The following LY75 variants were observed in gnomAD, a reference collection of about 807,000 sequenced individuals.
LY75 encodes C-type lectin domain family 13 member B.
Under a neutral mutation model 231.7 loss-of-function variants are expected in LY75, and 185 were observed. That is an observed-to-expected ratio of 0.80 (90% CI 0.71 to 0.90). LY75 has a LOEUF of 0.90. Among genes scored for constraint, LY75 ranks in the 40% least tolerant of loss-of-function variants. LY75 has a pLI of 0.00. For synonymous variants in LY75, 668 were observed against 689.0 expected (o/e 0.97, Z 0.48); for missense variants, 1,947 against 2,050.2 (o/e 0.95, Z 0.97).
intron 27 of LY75, 121 bp from the exon 28 acceptor site, chr2:159,831,907 C>A: frequency 1.4e-6 from 1 of 722,376 alleles, no homozygotes. Flanking sequence ...CAATATTGGA[C>A]AATTAGAAAC....
At chr2:159,829,897 T>C (rs1428802122) in intron 28 of LY75, among the ~76,000 whole-genome samples, 1 of 152,246 alleles carries the variant, frequency 6.6e-6, no homozygotes, top group African/African-American at 2.4e-5. Context: ...CTTCTGATAA[T>C]ATAACTACAA....
chr2:159,817,015 A>G lies in LY75; in HGVS notation c.4171T>C (p.Tyr1391His), dbSNP rs2059696. 0.29 allele frequency: 463,302 copies of G among 1,610,354 alleles called. 71,795 individuals are homozygous for G. The highest frequency in any genetic ancestry group is 0.49 in the Admixed American group (29,025 of 59,646). ...KIEMVDYKEE[Y>H]NTTLPQFMPY... ...ATAAACTGTGGCAGTGTAGTATTAT[A>G]TTCTTCTTTGTAGTCAACTATAATA... The change falls in exon 30 of 35, where the codon TAT (tyrosine) becomes CAT (histidine). Residue 1391 changes from tyrosine (Y) to histidine (H), a missense_variant. Transcript: ENST00000263636.
At chr2:159,829,062 T>A (rs1188683768) in intron 28 of LY75, among the ~76,000 whole-genome samples, 1 of 152,076 alleles carries the variant, frequency 6.6e-6, no homozygotes, top group Non-Finnish European at 1.5e-5. Flanking sequence ...ATGATTGCAA[T>A]AAAGCTTTAA....
rs1461552312 is a variant in LY75, at chr2:159,879,257, A to C, written c.1515+2T>G. ...GAAAATTTACATAGGGATTTTACCT[A>C]CCTCATCTGGAGGACACATCTTATC... On this transcript the variant is annotated splice_donor_variant, in intron 9 of 34. Coordinates refer to ENST00000263636, the MANE Select transcript of LY75 (RefSeq NM_002349.4). LOFTEE classifies it high-confidence loss of function. 6.2e-7 allele frequency: 1 copy of C among 1,609,532 alleles called. No individual in the cohort carries two copies. Among genetic ancestry groups the C allele is most frequent in the Non-Finnish European group, 8.5e-7 (1 of 1,179,022 alleles).
chr2:159,885,877 A>T (rs1301522402), intron 5 of LY75, among the ~76,000 whole-genome samples: 2 of 152,142 alleles, frequency 1.3e-5, no homozygotes, highest in Non-Finnish European at 2.9e-5. Flanking sequence ...TTTATTTTTC[A>T]AAGTTGTCTA....
At chr2:159,849,833 T>C (rs1684327548) in intron 23 of LY75, 147 bp downstream of exon 23, 2 of 1,063,896 alleles carry the variant, frequency 1.9e-6, no homozygotes, top group Non-Finnish European at 2.6e-6. Flanking sequence ...TAGCAATCAC[T>C]AACCTACTTA....
chr2:159,879,114 G>T (rs1685360463), intron 9 of LY75, 145 bp downstream of exon 9: 2 of 883,318 alleles, frequency 2.3e-6, no homozygotes, highest in Non-Finnish European at 3.3e-6. Context: ...ATGACTCACT[G>T]CCTTCTGGCT....
At chr2:159,851,100 T>C (rs2125854550) in intron 21 of LY75, among the ~76,000 whole-genome samples, 2 of 152,032 alleles carry the variant, frequency 1.3e-5, no homozygotes, top group Admixed American at 1.3e-4. Flanking sequence ...GAAACACTGT[T>C]GAAAAATTCA....
intron 4 of LY75, among the ~76,000 whole-genome samples, chr2:159,887,740 C>G (rs903263831): frequency 6.6e-5 from 10 of 151,956 alleles, no homozygotes; most frequent in African/African-American, 2.2e-4. Flanking sequence ...AGATATACTT[C>G]TAAAATTAAT....
At chr2:159,895,104 T>C (rs1380648587) in intron 2 of LY75, among the ~76,000 whole-genome samples, 2 of 152,214 alleles carry the variant, frequency 1.3e-5, no homozygotes, top group Non-Finnish European at 2.9e-5. Flanking sequence ...AAAGTGTGCT[T>C]AAGACAGTAT....
chr2:159,888,503 T>C (rs1204617771), intron 4 of LY75, among the ~76,000 whole-genome samples: 2 of 152,244 alleles, frequency 1.3e-5, no homozygotes, highest in Admixed American at 6.5e-5. Context: ...TATCTAGTGA[T>C]AAAACATTTG....
At chr2:159,867,860 C>T (rs908688119) in intron 13 of LY75, among the ~76,000 whole-genome samples, 3 of 152,136 alleles carry the variant, frequency 2.0e-5, no homozygotes, top group African/African-American at 7.2e-5. Context: ...GATCTCAGAG[C>T]CTTAATGATT....
chr2:159,830,280 C>A (rs1683607643), intron 28 of LY75, among the ~76,000 whole-genome samples: 1 of 152,166 alleles, frequency 6.6e-6, no homozygotes, highest in Non-Finnish European at 1.5e-5. Flanking sequence ...AATTTAGCTT[C>A]TTTTCCTTCC....
intron 3 of LY75, among the ~76,000 whole-genome samples, chr2:159,892,081 C>T (rs1685776248): frequency 6.6e-6 from 1 of 152,184 alleles, no homozygotes; most frequent in Non-Finnish European, 1.5e-5. Flanking sequence ...ATTATCAGCA[C>T]TACCTGGAAA....
chr2:159,814,558 G>A, intron 31 of LY75, among the ~76,000 whole-genome samples: 1 of 151,532 alleles, frequency 6.6e-6, no homozygotes, highest in East Asian at 1.9e-4. Context: ...AGGAGGCTGA[G>A]TTGGGAGGAC....
chr2:159,864,916 G>C lies in LY75; in HGVS notation c.2122C>G (p.Gln708Glu). ...LHFLTDQFSG[Q>E]HWLWIGLNKR... ...TTCAAACCAATCCACAGCCAATGCT[G>C]GCCACTATGTAAAAAGCAAGTGTTA... is the stretch of plus-strand genomic sequence containing the variant. The change falls in exon 14 of 35, where the codon CAG becomes GAG. Residue 708 changes from glutamine (Q) to glutamate (E), a missense_variant. By Grantham distance (29) the Gln-to-Glu change is conservative. Coordinates refer to ENST00000263636, the MANE Select transcript of LY75 (RefSeq NM_002349.4). The C allele has an allele frequency of 6.3e-7, 1 of 1,597,690 alleles. No homozygotes were observed. Among genetic ancestry groups the C allele is most frequent in the East Asian group, 2.3e-5 (1 of 44,394 alleles).
At chr2:159,874,084 G>GTATATATTTTGTAAAAATATAAACGTA (rs1553809698) in intron 12 of LY75, among the ~76,000 whole-genome samples, 1 of 6,468 alleles carries the variant, frequency 1.5e-4, no homozygotes, top group African/African-American at 3.0e-4. Flanking sequence ...ATATATAAAC[G>GTATATATTTTGTAAAAATATAAACGTA]TATATATTTT....
intron 1 of LY75, among the ~76,000 whole-genome samples, chr2:159,901,869 T>A (rs1367821343): frequency 1.3e-5 from 2 of 152,242 alleles, no homozygotes; most frequent in Admixed American, 6.5e-5. Context: ...ATAAGGTATG[T>A]ATAAACATAC....
At chr2:159,887,700 A>C (rs774242880) in intron 4 of LY75, among the ~76,000 whole-genome samples, 29 of 152,176 alleles carry the variant, frequency 1.9e-4, no homozygotes, top group Admixed American at 6.6e-4. Flanking sequence ...AAGCTTTCAC[A>C]CTGGAAGAGG....
Sources: allele counts gnomAD v4.1 joint callset (sites outside exome capture counted in the v4.1 genomes callset), GRCh38; gene constraint gnomAD v4.1.1; transcripts MANE v1.5; gene names NCBI Gene and HGNC (gene_info 2026-07-23, HGNC 2026-07-21).